PRELID2: variants seen among roughly 807,000 people sequenced by gnomAD.
PRELID2 encodes the protein PRELI domain-containing protein 2.
A neutral mutation model predicts 28.4 loss-of-function variants in PRELID2; 25 were observed. The ratio of observed to expected loss-of-function variants is 0.88; its 90% confidence interval spans 0.64 to 1.23. The LOEUF (loss-of-function observed/expected upper bound fraction) is 1.23, where lower values mean the gene tolerates loss of function less well. Among genes scored for constraint, PRELID2 ranks in the 50% most tolerant of loss-of-function variants. The pLI is 0.00. For missense variants in PRELID2, 201 were observed against 214.4 expected (o/e 0.94, Z 0.39); for synonymous variants, 76 against 71.6 (o/e 1.06, Z -0.31).
At chr5:145,383,416 GA>G in the PRELID2 span, among the ~76,000 whole-genome samples, 1 of 150,042 alleles carries the variant, frequency 6.7e-6, no homozygotes, top group African/African-American at 2.4e-5. Context: ...GTACAAATGA[GA>G]AAGCTGAAAT....
intron 1 of PRELID2, among the ~76,000 whole-genome samples, chr5:145,559,181 G>A (rs2126690466): frequency 6.6e-6 from 1 of 152,198 alleles, no homozygotes; most frequent in Admixed American, 6.5e-5. Context: ...CATGAACCCG[G>A]GAGGCGGAGC....
chr5:145,299,644 C>CGTGCGTGTGTGT, the PRELID2 span, among the ~76,000 whole-genome samples: 17 of 109,308 alleles, frequency 1.6e-4, no homozygotes, highest in African/African-American at 4.7e-4. Context: ...TATGTGTGTG[C>CGTGCGTGTGTGT]GTGTGTGTGT....
At chr5:145,286,688 A>C in the PRELID2 span, among the ~76,000 whole-genome samples, 1 of 151,284 alleles carries the variant, frequency 6.6e-6, no homozygotes, top group African/African-American at 2.4e-5. Flanking sequence ...TTGACTGCCA[A>C]CATAGAAGTT....
chr5:145,665,986 T>A (rs201691950), intron 1 of PRELID2, among the ~76,000 whole-genome samples: 4,486 of 138,206 alleles, frequency 0.032, 116 homozygotes, highest in African/African-American at 0.071. Flanking sequence ...GTCTTTTTTT[T>A]AAAAAAAAAA....
At chr5:145,500,406 G>T (rs1017128567) in intron 1 of PRELID2, among the ~76,000 whole-genome samples, 1 of 149,536 alleles carries the variant, frequency 6.7e-6, no homozygotes, top group Non-Finnish European at 1.5e-5. Flanking sequence ...AGCCTGTATA[G>T]CCTGTAGAAA....
At chr5:145,776,272 A>G (rs1378964756) in intron 5 of PRELID2, among the ~76,000 whole-genome samples, 2 of 152,244 alleles carry the variant, frequency 1.3e-5, no homozygotes, top group South Asian at 2.1e-4. Context: ...CTGCTGGCCT[A>G]TTAGTCACTC....
At chr5:145,272,921 G>A in the PRELID2 span, among the ~76,000 whole-genome samples, 1 of 152,134 alleles carries the variant, frequency 6.6e-6, no homozygotes, top group Non-Finnish European at 1.5e-5. Flanking sequence ...GAGGGAATCA[G>A]CACCTTCTGG....
chr5:145,263,476 CA>C, the PRELID2 span, among the ~76,000 whole-genome samples: 12,379 of 150,262 alleles, frequency 0.082, 1,097 homozygotes, highest in African/African-American at 0.23. Flanking sequence ...TAAATTAAAA[CA>C]AAAAAAATTG....
chr5:145,389,043 A>G, the PRELID2 span, among the ~76,000 whole-genome samples: 1 of 152,186 alleles, frequency 6.6e-6, no homozygotes, highest in Non-Finnish European at 1.5e-5. Flanking sequence ...AGCACATAAT[A>G]GATGCTTGAT....
the PRELID2 span, among the ~76,000 whole-genome samples, chr5:145,417,572 A>C: frequency 2.6e-5 from 4 of 152,090 alleles, 1 homozygote; most frequent in South Asian, 2.1e-4. Context: ...CTTCATCCCC[A>C]GGATGCAAGG....
rs371144488 is a variant in PRELID2 at position 145,817,571 on chromosome 5, C to T, written c.368+323G>A. 2.6e-5 allele frequency among the ~76,000 whole-genome samples: 4 copies of T among 151,224 alleles called. No homozygotes were observed. In the South Asian group the frequency reaches 8.3e-4, roughly 32 times the overall value. On this transcript the variant is annotated intron_variant, in intron 4 of 6. Transcript: ENST00000683046. Reference sequence around the variant, plus strand: ...TATACAAAACCATACTATACAGGCTCTATGAGTATATATATAAGGATCTAA... The same window carrying T: ...TATACAAAACCATACTATACAGGCTTTATGAGTATATATATAAGGATCTAA...
At chr5:145,295,320 AAAG>A in the PRELID2 span, among the ~76,000 whole-genome samples, 1 of 152,198 alleles carries the variant, frequency 6.6e-6, no homozygotes, top group African/African-American at 2.4e-5. Context: ...GTAAGAAAAA[AAAG>A]AAGAATCATG....
At chr5:145,349,062 G>A in the PRELID2 span, among the ~76,000 whole-genome samples, 1,467 of 152,118 alleles carry the variant, frequency 9.6e-3, 18 homozygotes, top group Non-Finnish European at 0.013. Context: ...ATTTATACAT[G>A]TCCTTTTTTG....
At chr5:145,243,107 C>G in the PRELID2 span, among the ~76,000 whole-genome samples, 1 of 151,940 alleles carries the variant, frequency 6.6e-6, no homozygotes, top group African/African-American at 2.4e-5. Context: ...GTATTAAGAA[C>G]AGTCCAAAGA....
chr5:145,279,360 G>A, the PRELID2 span, among the ~76,000 whole-genome samples: 6,299 of 152,216 alleles, frequency 0.041, 422 homozygotes, highest in African/African-American at 0.14. Flanking sequence ...CTGAATGACA[G>A]GCATGGTAAA....
At chr5:145,829,148 A>T (rs1755420600) in intron 1 of PRELID2, among the ~76,000 whole-genome samples, 1 of 152,144 alleles carries the variant, frequency 6.6e-6, no homozygotes, top group East Asian at 1.9e-4. Flanking sequence ...TGATCAACCC[A>T]ACTAGGCCTT....
chr5:145,643,462 A>G (rs962672811), intron 1 of PRELID2, among the ~76,000 whole-genome samples: 14 of 152,166 alleles, frequency 9.2e-5, no homozygotes, highest in African/African-American at 3.1e-4. Flanking sequence ...CTGCAAACAT[A>G]GATAATTTGA....
chr5:145,267,362 C>T, the PRELID2 span, among the ~76,000 whole-genome samples: 2 of 152,120 alleles, frequency 1.3e-5, no homozygotes, highest in Non-Finnish European at 2.9e-5. Context: ...CACTCAGGAT[C>T]AATACTTTGC....
chr5:145,762,274 C>A (rs1354479574), intron 6 of PRELID2, among the ~76,000 whole-genome samples: 1 of 152,144 alleles, frequency 6.6e-6, no homozygotes, highest in African/African-American at 2.4e-5. Flanking sequence ...ATACGATGCC[C>A]TGAGTTCATG....
Sources: allele counts gnomAD v4.1 joint callset (sites outside exome capture counted in the v4.1 genomes callset), GRCh38; gene constraint gnomAD v4.1.1; transcripts MANE v1.5; gene names NCBI Gene and HGNC (gene_info 2026-07-23, HGNC 2026-07-21).